Variants in RPL19 observed in about 807,000 individuals in gnomAD.
RPL19 encodes ribosomal protein L19, also known as large ribosomal subunit protein eL19.
RPL19 carries 2 observed loss-of-function variants against 25.1 expected under a neutral mutation model. That is an observed-to-expected ratio of 0.08 (90% CI 0.03 to 0.25). The LOEUF (loss-of-function observed/expected upper bound fraction) is 0.25. RPL19 is among the 10% of genes least tolerant of loss of function. RPL19 has a pLI of 1.00. For missense variants in RPL19, 123 were observed against 271.8 expected, an observed-to-expected ratio of 0.45 and a Z score of 3.85; for synonymous variants, 89 against 91.2, an observed-to-expected ratio of 0.98 and a Z score of 0.14.
At chr17:39,202,955 G>A (rs1235623644) in intron 3 of RPL19, 34 bp from the exon 4 acceptor site, 4 of 1,613,134 alleles carry the variant, frequency 2.5e-6, no homozygotes, top group Non-Finnish European at 3.4e-6. Flanking sequence ...GTGGGCCTGG[G>A]TAGTGGCCCG....
chr17:39,204,055 C>T, intron 4 of RPL19, 22 bp from the exon 5 acceptor site: 1 of 1,408,984 alleles, frequency 7.1e-7, no homozygotes, highest in East Asian at 2.3e-5. Context: ...ACCAGCATCT[C>T]TTCACTCCGT....
At position 39,203,088 on chromosome 17, in the gene RPL19, C is replaced by T. The variant is rs777122514; in HGVS notation, c.335C>T (p.Ser112Phe). 6.8e-6 allele frequency: 11 copies of T among 1,610,602 alleles called. No individual in the cohort carries two copies. Among genetic ancestry groups the T allele is most frequent in the Non-Finnish European group, 9.3e-6 (11 of 1,178,214 alleles). The change falls in exon 4 of 6, where the codon TCT becomes TTT. Residue 112 changes from serine (S) to phenylalanine (F), a missense_variant. By Grantham distance (155) the Ser-to-Phe change is radical (BLOSUM62 -2). Transcript: ENST00000225430. ...LRRLLRRYRE[S>F]KKIDRHMYHS... is the part of the protein sequence containing the mutation. ...CGGCTGCTCAGAAGATACCGTGAAT[C>T]TAAGAAGATCGATCGCCACATGTAA...
At position 39,200,402 on chromosome 17, in the gene RPL19, T is replaced by C; in HGVS notation, c.5+53T>C. ...GCTGACGCGTGTCGACAAGGGACTG[T>C]CGGTCTTGGGACCGCAGCTGGGGTT... On this transcript the variant is annotated intron_variant, in intron 1 of 5. Transcript: ENST00000225430. The C allele has an allele frequency of 2.0e-6, 3 of 1,506,754 alleles. No individual in the cohort carries two copies. In the Admixed American group the frequency reaches 6.8e-5, roughly 34 times the overall value. 93.3% of individuals were successfully genotyped at this position (1,506,754 alleles called of 1,614,324 possible).
chr17:39,201,069 A>G, intron 1 of RPL19, 144 bp from the exon 2 acceptor site: 1 of 643,492 alleles, frequency 1.6e-6, no homozygotes, highest in East Asian at 2.7e-5. Context: ...GGCCAGCTGC[A>G]TAGCCCAGAG....
At chr17:39,203,372 G>T (rs547517984) in intron 4 of RPL19, among the ~76,000 whole-genome samples, 1 of 151,852 alleles carries the variant, frequency 6.6e-6, no homozygotes, top group East Asian at 1.9e-4. Flanking sequence ...TAGTAGAGAC[G>T]GGGTTTCACT....
At chr17:39,202,099 C>G (rs148504135) in intron 2 of RPL19, among the ~76,000 whole-genome samples, 2 of 152,140 alleles carry the variant, frequency 1.3e-5, no homozygotes, top group South Asian at 4.1e-4. Context: ...GAGACTGTCT[C>G]AAAGACAAAG....
At chr17:39,201,017 G>A in intron 1 of RPL19, 196 bp from the exon 2 acceptor site, 1 of 535,536 alleles carries the variant, frequency 1.9e-6, no homozygotes, top group South Asian at 2.7e-5. Context: ...GGCTCCGAGA[G>A]GTGAAGGCAT....
In RPL19 at chr17:39,201,190, A is replaced by C. The variant is rs371814652; in HGVS notation, c.6-23A>C. ...TGCCCAGGATTGGCTTTCAGAGTCT[A>C]ATCATGTTTTCTGTGTGTCTAGTAT... On this transcript the variant is annotated intron_variant, in intron 1 of 5. Transcript: ENST00000225430. 5.9e-6 allele frequency: 9 copies of C among 1,525,330 alleles called. No individual in the cohort carries two copies. In the African/African-American group the frequency reaches 1.1e-4, roughly 19 times the overall value. The allele number at this position is 1,525,330 out of a possible 1,614,324, so 94.5% of individuals were successfully genotyped here. A position where few individuals can be genotyped will look rare whatever the true frequency, so the allele number is the denominator to read the frequency against.
intron 1 of RPL19, chr17:39,200,624 G>A: frequency 1.7e-6 from 2 of 1,212,082 alleles, no homozygotes; most frequent in South Asian, 2.9e-5. Context: ...CAAACGGAGC[G>A]AACAAGACCA....
chr17:39,204,685 A>G lies in RPL19; in HGVS notation c.*37A>G. On this transcript the variant is annotated 3_prime_UTR_variant, in exon 6 of 6. Transcript: ENST00000225430. ...TTGTCTGTACATACTGGCCTCTGTG[A>G]TTACATAGATCAGCCATTAAAATAA... 2 of 1,594,156 alleles carry G rather than the reference A, an allele frequency of 1.3e-6. No individual in the cohort carries two copies. The highest frequency in any genetic ancestry group is 1.7e-6 in the Non-Finnish European group (2 of 1,166,004).
chr17:39,204,098 G>A lies in RPL19; in HGVS notation c.378G>A (p.Lys126=). 2 of 1,610,946 alleles carry A rather than the reference G, an allele frequency of 1.2e-6. No homozygotes were observed. The highest frequency in any genetic ancestry group is 1.7e-6 in the Non-Finnish European group (2 of 1,177,216). ...GCAGGTATCACAGCCTGTACCTGAA[G>A]GTGAAGGGGAATGTGTTCAAAAACA... ...DRHMYHSLYL[K]VKGNVFKNKR... Residue 126 remains lysine, a synonymous_variant, in exon 5 of 6, where the codon AAG becomes AAA. Coordinates refer to ENST00000225430, the MANE Select transcript of RPL19 (RefSeq NM_000981.4).
Position 39,203,294 on chromosome 17 carries a change from G to C in RPL19, c.356+185G>C, listed in dbSNP as rs972430600. Among the ~76,000 whole-genome samples, 9 of 143,846 alleles carry C rather than the reference G, an allele frequency of 6.3e-5. No individual in the cohort carries two copies. In the Admixed American group the frequency reaches 6.7e-4, roughly 11 times the overall value. 94.4% of individuals were successfully genotyped at this position (143,846 alleles called of 152,430 possible). On this transcript the variant is annotated intron_variant, in intron 4 of 5. Coordinates refer to ENST00000225430, the MANE Select transcript of RPL19 (RefSeq NM_000981.4). ...CCTCCCAGGTTCAAGTTATTCTCCT[G>C]CCTCAGCCTCTTGAGTAGCTGGGAC...
At chr17:39,201,021 A>T in intron 1 of RPL19, 192 bp from the exon 2 acceptor site, 1 of 537,950 alleles carries the variant, frequency 1.9e-6, no homozygotes, top group Non-Finnish European at 3.3e-6. Flanking sequence ...CCGAGAGGTG[A>T]AGGCATAGCG....
At chr17:39,203,942 T>C in intron 4 of RPL19, 135 bp from the exon 5 acceptor site, 1 of 607,138 alleles carries the variant, frequency 1.6e-6, no homozygotes, top group Non-Finnish European at 3.0e-6. Flanking sequence ...AGTCATGGTT[T>C]AGGAAGTAAT....
chr17:39,202,514 A>C, intron 3 of RPL19, 75 bp downstream of exon 3: 1 of 1,546,454 alleles, frequency 6.5e-7, no homozygotes, highest in Non-Finnish European at 8.9e-7. Flanking sequence ...GGATCTAAGC[A>C]CTCTGTCTCA....
rs769620972 is a variant in RPL19 at position 39,204,071 on chromosome 17, C to G, written c.357-6C>G. 1.3e-5 allele frequency: 20 copies of G among 1,546,602 alleles called. No homozygotes were observed. Among genetic ancestry groups the G allele is most frequent in the Admixed American group, 1.0e-4 (6 of 59,894 alleles). ...CCAGCATCTCTTCACTCCGTGTACC[C>G]TGCAGGTATCACAGCCTGTACCTGA... is the stretch of plus-strand genomic sequence containing the variant. On this transcript the variant is annotated splice_region_variant and splice_polypyrimidine_tract_variant and intron_variant, in intron 4 of 5. Transcript: ENST00000225430.
chr17:39,200,665 C>T (rs1014357119), intron 1 of RPL19: 45 of 1,135,126 alleles, frequency 4.0e-5, no homozygotes, highest in African/African-American at 6.5e-5. Flanking sequence ...TTGGCACACC[C>T]GGAGCGGAGC....
chr17:39,201,361 T>G (rs1169347925), intron 2 of RPL19, 42 bp downstream of exon 2: 6 of 1,169,700 alleles, frequency 5.1e-6, no homozygotes, highest in Non-Finnish European at 7.6e-6. Flanking sequence ...CTTCCTTCTT[T>G]TCTCCTGCGT....
intron 2 of RPL19, 141 bp from the exon 3 acceptor site, chr17:39,202,176 G>A (rs897356938): frequency 9.6e-6 from 10 of 1,036,750 alleles, no homozygotes; most frequent in Non-Finnish European, 1.3e-5. Flanking sequence ...GTTTTTGAAG[G>A]CAAGAAATAA....
Sources: allele counts gnomAD v4.1 joint callset (sites outside exome capture counted in the v4.1 genomes callset), GRCh38; gene constraint gnomAD v4.1.1; transcripts MANE v1.5; gene names NCBI Gene and HGNC (gene_info 2026-07-23, HGNC 2026-07-21).